CEP112: variants seen among roughly 807,000 people sequenced by gnomAD.
CEP112 encodes centrosomal protein 112, also known as centrosomal protein of 112 kDa.
A neutral mutation model predicts 153.0 loss-of-function variants in CEP112; 127 were observed. The observed-to-expected ratio is 0.83, with a 90% CI of 0.72 to 0.96. The LOEUF (loss-of-function observed/expected upper bound fraction) is 0.96, where lower values mean the gene tolerates loss of function less well. CEP112 is among the 40% of genes least tolerant of loss of function. The pLI is 0.00. For missense variants in CEP112, 1,089 were observed against 1,101.2 expected, an observed-to-expected ratio of 0.99 and a Z score of 0.16; for synonymous variants, 358 against 374.4, an observed-to-expected ratio of 0.96 and a Z score of 0.51.
In CEP112 at chr17:66,074,692, G is replaced by A. The variant is rs573423880; in HGVS notation, c.769-4691C>T. Among the ~76,000 whole-genome samples the A allele has an allele frequency of 2.6e-5, 4 of 151,798 alleles. No individual in the cohort carries two copies. In the South Asian group the frequency reaches 6.2e-4, roughly 24 times the overall value. Reference sequence around the variant, plus strand: ...ATCCTGGCCAACATGGTGAAACCCCGTCTCTACTAAAAATACAAAAATTAG... The same window carrying A: ...ATCCTGGCCAACATGGTGAAACCCCATCTCTACTAAAAATACAAAAATTAG... On this transcript the variant is annotated intron_variant, in intron 8 of 26. Transcript: ENST00000535342.
chr17:65,755,199 C>T (rs190957374), intron 21 of CEP112, among the ~76,000 whole-genome samples: 244 of 152,164 alleles, frequency 1.6e-3, no homozygotes, highest in African/African-American at 5.4e-3. Flanking sequence ...GCAGGGTGTA[C>T]GGGAAGCATG....
chr17:65,699,462 G>GT (rs1567881422), intron 23 of CEP112, among the ~76,000 whole-genome samples: 3 of 152,094 alleles, frequency 2.0e-5, no homozygotes, highest in African/African-American at 4.8e-5. Flanking sequence ...CTCCCTTCTT[G>GT]TTTTTTAATA....
intron 20 of CEP112, among the ~76,000 whole-genome samples, chr17:65,899,627 C>T (rs1166016707): frequency 6.6e-6 from 1 of 152,062 alleles, no homozygotes; most frequent in Non-Finnish European, 1.5e-5. Context: ...CAATGTACTA[C>T]ATATTTGGAA....
intron 18 of CEP112, among the ~76,000 whole-genome samples, chr17:65,948,267 T>A (rs1393420742): frequency 1.3e-5 from 2 of 152,156 alleles, no homozygotes; most frequent in African/African-American, 4.8e-5. Flanking sequence ...AAAGTTAGCA[T>A]CATATATCTA....
intron 24 of CEP112, chr17:65,688,799 T>C (rs964005439): frequency 1.6e-5 from 3 of 184,030 alleles, no homozygotes; most frequent in Non-Finnish European, 3.4e-5. Flanking sequence ...CGGAGTTTTG[T>C]TCTTGTCACC....
At chr17:65,880,801 T>C (rs2059035258) in intron 20 of CEP112, among the ~76,000 whole-genome samples, 1 of 152,246 alleles carries the variant, frequency 6.6e-6, no homozygotes, top group African/African-American at 2.4e-5. Flanking sequence ...CTGAATGTTT[T>C]TTATTCAAGC....
At chr17:65,698,777 AG>A (rs1454738456) in intron 23 of CEP112, among the ~76,000 whole-genome samples, 1 of 152,188 alleles carries the variant, frequency 6.6e-6, no homozygotes, top group Admixed American at 6.5e-5. Flanking sequence ...GCAAGATCAT[AG>A]AGGAATTTCC....
intron 21 of CEP112, among the ~76,000 whole-genome samples, chr17:65,842,225 G>A (rs1248987959): frequency 6.6e-6 from 1 of 151,960 alleles, no homozygotes; most frequent in East Asian, 1.9e-4. Flanking sequence ...GATTAATCTT[G>A]TAATTTTTAA....
At chr17:65,881,211 T>C (rs574146330) in intron 20 of CEP112, among the ~76,000 whole-genome samples, 13 of 152,134 alleles carry the variant, frequency 8.5e-5, no homozygotes, top group Non-Finnish European at 1.8e-4. Flanking sequence ...AGAGAGACTC[T>C]GTCTCAAACA....
At chr17:66,001,809 C>T (rs180950411) in intron 17 of CEP112, among the ~76,000 whole-genome samples, 4 of 152,214 alleles carry the variant, frequency 2.6e-5, no homozygotes, top group Admixed American at 6.5e-5. Flanking sequence ...TGGTTTTATA[C>T]CATCATTTTC....
At chr17:66,056,291 C>T (rs1167805526) in intron 11 of CEP112, among the ~76,000 whole-genome samples, 2 of 152,178 alleles carry the variant, frequency 1.3e-5, no homozygotes, top group African/African-American at 4.8e-5. Context: ...TATTACAAAA[C>T]CCCACAGGTC....
chr17:65,941,661 T>G (rs1287694038), intron 18 of CEP112: 1 of 152,218 alleles, frequency 6.6e-6, no homozygotes, highest in Non-Finnish European at 1.5e-5. Context: ...TAACTCAGGC[T>G]TCAAGAGAAC....
intron 24 of CEP112, chr17:65,655,361 A>C (rs548398727): frequency 7.1e-6 from 11 of 1,558,818 alleles, no homozygotes; most frequent in South Asian, 4.4e-5. Flanking sequence ...CACCTAAAGA[A>C]GACTACGAAA....
chr17:65,701,840 T>G (rs1179769560), intron 23 of CEP112, among the ~76,000 whole-genome samples: 1 of 151,686 alleles, frequency 6.6e-6, no homozygotes, highest in Non-Finnish European at 1.5e-5. Flanking sequence ...TAAGCCCTAC[T>G]CTCTCTGTTC....
chr17:65,918,797 T>G (rs1414815308), intron 19 of CEP112, among the ~76,000 whole-genome samples: 1 of 152,248 alleles, frequency 6.6e-6, no homozygotes, highest in Non-Finnish European at 1.5e-5. Flanking sequence ...TTAGCCCATG[T>G]GTTTGATGTT....
chr17:65,783,142 A>C (rs982877922), intron 21 of CEP112, among the ~76,000 whole-genome samples: 3 of 152,198 alleles, frequency 2.0e-5, no homozygotes, highest in African/African-American at 7.2e-5. Context: ...GCATTTCTCA[A>C]AACAAGATAC....
At chr17:65,691,420 A>AT (rs1292401404) in intron 23 of CEP112, among the ~76,000 whole-genome samples, 3 of 152,130 alleles carry the variant, frequency 2.0e-5, no homozygotes, top group Non-Finnish European at 4.4e-5. Flanking sequence ...TAGTTTTATG[A>AT]TTTTGCCTCT....
intron 21 of CEP112, among the ~76,000 whole-genome samples, chr17:65,841,296 C>A (rs1008637534): frequency 6.6e-6 from 1 of 151,980 alleles, no homozygotes; most frequent in African/African-American, 2.4e-5. Flanking sequence ...GCGATATATA[C>A]ACAACAGAGT....
intron 20 of CEP112, among the ~76,000 whole-genome samples, chr17:65,895,328 T>C (rs2059622278): frequency 7.2e-6 from 1 of 138,780 alleles, no homozygotes; most frequent in Non-Finnish European, 1.7e-5. Flanking sequence ...AAGCACACCA[T>C]AAATACTTGT....
Sources: allele counts gnomAD v4.1 joint callset (sites outside exome capture counted in the v4.1 genomes callset), GRCh38; gene constraint gnomAD v4.1.1; transcripts MANE v1.5; gene names NCBI Gene and HGNC (gene_info 2026-07-23, HGNC 2026-07-21).